The following CUBN variants were observed in gnomAD, a reference collection of about 807,000 sequenced individuals.
The protein encoded by CUBN is 460 kDa receptor.
Under a neutral mutation model 405.3 loss-of-function variants are expected in CUBN, and 282 were observed. That is an observed-to-expected ratio of 0.70 (90% CI 0.63 to 0.77). The LOEUF (loss-of-function observed/expected upper bound fraction) is 0.77. CUBN is among the 30% of genes least tolerant of loss of function. CUBN has a pLI of 0.00. For synonymous variants in CUBN, 1,684 were observed against 1,617.0 expected, an observed-to-expected ratio of 1.04 and a Z score of -0.99; for missense variants, 4,514 against 4,475.2, an observed-to-expected ratio of 1.01 and a Z score of -0.25.
chr10:16,861,428 CT>C (rs1194748473), intron 59 of CUBN, among the ~76,000 whole-genome samples: 1 of 152,032 alleles, frequency 6.6e-6, no homozygotes, highest in Non-Finnish European at 1.5e-5. Flanking sequence ...CTCCCAAGCG[CT>C]GGGATTACAG....
At chr10:17,008,406 C>A (rs1398414424) in intron 28 of CUBN, among the ~76,000 whole-genome samples, 1 of 143,834 alleles carries the variant, frequency 7.0e-6, no homozygotes, top group East Asian at 2.1e-4. Context: ...TTATTTTGGC[C>A]CCATGGCTGC....
intron 41 of CUBN, among the ~76,000 whole-genome samples, chr10:16,926,372 TAAG>T (rs1371860532): frequency 6.6e-6 from 1 of 152,130 alleles, no homozygotes; most frequent in Non-Finnish European, 1.5e-5. Flanking sequence ...TTATTCTGAA[TAAG>T]AAGAGGAAGA....
intron 17 of CUBN, among the ~76,000 whole-genome samples, chr10:17,083,362 G>A (rs571966558): frequency 4.9e-4 from 75 of 152,074 alleles, no homozygotes; most frequent in South Asian, 1.0e-3. Context: ...AAAATTAGCC[G>A]GGCGTGGTGG....
chr10:17,106,318 T>A (rs1836628720), intron 10 of CUBN, among the ~76,000 whole-genome samples: 2 of 148,522 alleles, frequency 1.3e-5, no homozygotes, highest in South Asian at 4.2e-4. Flanking sequence ...ATAATAATAA[T>A]ACTAATAAAG....
intron 65 of CUBN, among the ~76,000 whole-genome samples, chr10:16,829,445 G>T (rs1838908164): frequency 6.6e-6 from 1 of 151,538 alleles, no homozygotes; most frequent in African/African-American, 2.4e-5. Flanking sequence ...GCCCAGAGTT[G>T]ACGCCAGTGA....
At chr10:16,946,467 T>TA (rs1842785799) in intron 36 of CUBN, among the ~76,000 whole-genome samples, 1 of 151,036 alleles carries the variant, frequency 6.6e-6, no homozygotes, top group African/African-American at 2.4e-5. Flanking sequence ...GTTTGGAAGT[T>TA]AAAAAAACTT....
chr10:17,052,786 A>AAAAG (rs1564495966), intron 22 of CUBN, among the ~76,000 whole-genome samples: 2 of 110,936 alleles, frequency 1.8e-5, no homozygotes, highest in Non-Finnish European at 3.6e-5. Context: ...AAAAAAAAAA[A>AAAAG]AGAGAGAGAG....
Position 17,068,678 on chromosome 10 carries a change from A to G in CUBN, c.2718T>C (p.Leu906=). 1 of 1,612,876 alleles carries G rather than the reference A, an allele frequency of 6.2e-7. No individual in the cohort carries two copies. The change falls in exon 20 of 67, where the codon CTT becomes CTC. Residue 906 remains leucine, a synonymous_variant. Coordinates refer to ENST00000377833, the MANE Select transcript of CUBN (RefSeq NM_001081.4). ...PSFITSVYNF[L]YVTFVKSSST... is the part of the protein sequence containing the mutation. ...AAGAACTTTTCACGAATGTGACATA[A>G]AGAAAATTGTACACAGATGTTATAA...
chr10:16,856,563 T>C (rs964199210), intron 59 of CUBN, among the ~76,000 whole-genome samples: 1 of 152,132 alleles, frequency 6.6e-6, no homozygotes, highest in South Asian at 2.1e-4. Context: ...AGGGAAAAAA[T>C]AGTTACATTC....
chr10:16,859,225 C>T lies in CUBN; in HGVS notation c.9455-7782G>A, dbSNP rs188174915. Among the ~76,000 whole-genome samples, 408 of 152,158 alleles carry T rather than the reference C, an allele frequency of 2.7e-3. 2 individuals carry two copies. Among genetic ancestry groups the T allele is most frequent in the Non-Finnish European group, 4.1e-3 (276 of 68,000 alleles). On this transcript the variant is annotated intron_variant, in intron 59 of 66. Coordinates refer to ENST00000377833, the MANE Select transcript of CUBN (RefSeq NM_001081.4). ...GGAAATAACATTTGCAAACCACATA[C>T]TGACAAAGGATCATTGATTGAGAAT...
intron 39 of CUBN, among the ~76,000 whole-genome samples, chr10:16,936,334 G>T (rs1168320084): frequency 6.6e-6 from 1 of 152,162 alleles, no homozygotes; most frequent in Non-Finnish European, 1.5e-5. Context: ...GCATTTGTCA[G>T]TCTTGCTGAT....
chr10:16,933,245 ACGGGTGCATCTCC>A lies in CUBN; in HGVS notation c.5953_5965del (p.Gly1985CysfsTer50). 13 of 1,613,962 alleles carry A rather than the reference ACGGGTGCATCTCC, an allele frequency of 8.1e-6. No homozygotes were observed. Among genetic ancestry groups the A allele is most frequent in the Non-Finnish European group, 1.1e-5 (13 of 1,179,984 alleles). On this transcript the variant is annotated frameshift_variant, in exon 40 of 67. Coordinates refer to ENST00000377833, the MANE Select transcript of CUBN (RefSeq NM_001081.4). LOFTEE classifies it high-confidence loss of function. Reference sequence around the variant, plus strand: ...AGGCCAGCCCGGGGAGAAGAGAAACACGGGTGCATCTCCCGTCCTCAGGAAGCCACCACAAGCA... The same window carrying A: ...AGGCCAGCCCGGGGAGAAGAGAAACACGTCCTCAGGAAGCCACCACAAGCA...
At chr10:16,855,000 TTTTCTCTCTCTCTC>T (rs1240413211) in intron 59 of CUBN, among the ~76,000 whole-genome samples, 21 of 142,418 alleles carry the variant, frequency 1.5e-4, no homozygotes, top group African/African-American at 2.9e-4. Flanking sequence ...TCCTTTCCTT[TTTTCTCTCTCTCTC>T]TTTCTCTCTC....
At chr10:16,976,809 A>T (rs1050696904) in intron 31 of CUBN, among the ~76,000 whole-genome samples, 1 of 152,050 alleles carries the variant, frequency 6.6e-6, no homozygotes, top group African/African-American at 2.4e-5. Flanking sequence ...GTTTCTCTGT[A>T]GTCACTATTT....
chr10:17,116,135 TATATA>T (rs1836892367), intron 6 of CUBN, among the ~76,000 whole-genome samples: 1 of 152,212 alleles, frequency 6.6e-6, no homozygotes, highest in South Asian at 2.1e-4. Flanking sequence ...AAAGCGTAGT[TATATA>T]ATATAATACA....
rs778380463 is a variant in CUBN at position 16,836,237 on chromosome 10, G to C, written c.10178C>G (p.Ala3393Gly). 3.3e-5 allele frequency: 54 copies of C among 1,612,876 alleles called. No individual in the cohort carries two copies. In the South Asian group the frequency reaches 5.6e-4, roughly 17 times the overall value. ...NSRMSFTYQI[A>G]DCNRDYHKAF... The stretch of plus-strand genomic sequence containing the variant: ...AAAGATGAAGTTCCTGGCCTCACCT[G>C]CAATCTGATAGGTGAAACTCATTCT... The change falls in exon 63 of 67, where the codon GCA becomes GGA. Residue 3393 changes from alanine (A) to glycine (G), a missense_variant and splice_region_variant. Around this residue, in one of 5 missense-constraint regions of CUBN, gnomAD observed 1,186 missense variants for 1,186.9 expected, o/e 1.00. Transcript: ENST00000377833.
intron 31 of CUBN, among the ~76,000 whole-genome samples, chr10:16,957,089 G>A (rs1383896636): frequency 6.6e-6 from 1 of 152,034 alleles, no homozygotes; most frequent in African/African-American, 2.4e-5. Flanking sequence ...CCAGAATATT[G>A]TTTACTGTGG....
chr10:16,944,643 C>G (rs1842732445), intron 36 of CUBN, among the ~76,000 whole-genome samples: 1 of 152,182 alleles, frequency 6.6e-6, no homozygotes, highest in South Asian at 2.1e-4. Context: ...CTAAAACGTC[C>G]ATTTTAAAAA....
At chr10:16,920,177 A>T (rs750796524) in intron 43 of CUBN, 40 bp from the exon 44 acceptor site, 15 of 1,600,682 alleles carry the variant, frequency 9.4e-6, no homozygotes, top group Non-Finnish European at 1.0e-5. Flanking sequence ...TGATCTGGTG[A>T]AGGGGATGCA....
Sources: gnomAD v4.1 joint callset for allele counts (sites outside exome capture counted in the v4.1 genomes callset) on GRCh38, gnomAD v4.1.1 for gene constraint, gnomAD v4.1.1 regional missense constraint, MANE v1.5 for transcripts, NCBI Gene and HGNC (gene_info 2026-07-23, HGNC 2026-07-21) for gene names.